NFIA: variants seen among roughly 807,000 people sequenced by gnomAD.
The protein encoded by NFIA is nuclear factor I A.
In NFIA, 8 loss-of-function variants were observed where a neutral mutation model predicts 62.8. The ratio of observed to expected loss-of-function variants is 0.13; its 90% CI spans 0.07 to 0.23. The LOEUF is 0.23. NFIA is among the 10% of genes least tolerant of loss of function. The pLI, the probability that NFIA is intolerant of heterozygous loss-of-function variation, is 1.00. For synonymous variants in NFIA, 235 were observed against 238.1 expected (o/e 0.99, Z 0.12); for missense variants, 410 against 642.1 (o/e 0.64, Z 3.91).
intron 2 of NFIA, among the ~76,000 whole-genome samples, chr1:61,270,556 T>C (rs988532807): frequency 2.0e-5 from 3 of 152,210 alleles, no homozygotes; most frequent in Admixed American, 1.3e-4. Context: ...TCATTTTCAT[T>C]TGAAGCATGT....
At chr1:61,100,792 A>G (rs936299450) in intron 2 of NFIA, among the ~76,000 whole-genome samples, 1 of 152,086 alleles carries the variant, frequency 6.6e-6, no homozygotes, top group African/African-American at 2.4e-5. Context: ...ATAGAGTCTC[A>G]CTACATTGCC....
At chr1:61,113,966 G>T (rs1017752921) in intron 2 of NFIA, among the ~76,000 whole-genome samples, 1 of 152,030 alleles carries the variant, frequency 6.6e-6, no homozygotes, top group Non-Finnish European at 1.5e-5. Context: ...GGTTTTTTTT[G>T]AAAGGATTAA....
chr1:61,204,116 C>CG (rs1282277129), intron 2 of NFIA, among the ~76,000 whole-genome samples: 1 of 152,192 alleles, frequency 6.6e-6, no homozygotes, highest in Non-Finnish European at 1.5e-5. Flanking sequence ...GTGAACTGGA[C>CG]GGGGGCCTTT....
At chr1:61,089,695 CTTTTTT>C (rs918196815) in intron 2 of NFIA, among the ~76,000 whole-genome samples, 126 of 107,774 alleles carry the variant, frequency 1.2e-3, no homozygotes, top group African/African-American at 4.1e-3. Context: ...GTTTTTTTTT[CTTTTTT>C]TTTTTTTTTT....
intron 6 of NFIA, among the ~76,000 whole-genome samples, chr1:61,371,252 T>G (rs900710559): frequency 2.6e-5 from 4 of 152,176 alleles, no homozygotes; most frequent in African/African-American, 9.6e-5. Flanking sequence ...TGCTTAAGAA[T>G]GCTTTTCAGG....
Position 61,108,744 on chromosome 1 carries a change from A to G in NFIA, c.559+20064A>G, listed in dbSNP as rs558859089. Among the ~76,000 whole-genome samples, 10 of 151,852 alleles carry G rather than the reference A, an allele frequency of 6.6e-5. No individual in the cohort carries two copies. In the East Asian group the frequency reaches 1.7e-3, roughly 26 times the overall value. ...CGCTGCTCACATTTTAATCAGAGAA[A>G]GGACAAGACCTGACCTAGTTTTGTT... On this transcript the variant is annotated intron_variant, in intron 2 of 10. Transcript: ENST00000403491.
At chr1:61,413,257 G>A (rs1300986513) in intron 9 of NFIA, among the ~76,000 whole-genome samples, 6 of 151,822 alleles carry the variant, frequency 4.0e-5, no homozygotes, top group African/African-American at 9.7e-5. Flanking sequence ...ATATGAATTC[G>A]TTAGCCAAGA....
intron 2 of NFIA, among the ~76,000 whole-genome samples, chr1:61,227,549 C>T (rs1654411779): frequency 6.6e-6 from 1 of 152,138 alleles, no homozygotes; most frequent in African/African-American, 2.4e-5. Flanking sequence ...TTTGCCTTGG[C>T]TCCCAAGAAA....
intron 3 of NFIA, among the ~76,000 whole-genome samples, chr1:61,287,479 C>T (rs1273948301): frequency 1.3e-5 from 2 of 152,264 alleles, no homozygotes; most frequent in South Asian, 2.1e-4. Flanking sequence ...GTCTCACATA[C>T]ATTCACCATG....
chr1:61,130,921 A>G (rs916031275), intron 2 of NFIA, among the ~76,000 whole-genome samples: 21 of 152,220 alleles, frequency 1.4e-4, no homozygotes, highest in African/African-American at 1.9e-4. Context: ...GACTAGGGCT[A>G]TGACAGATTC....
At chr1:61,077,722 A>G (rs1646048853), upstream of NFIA, 8 of 980,206 alleles carry the variant, frequency 8.2e-6, no homozygotes, top group Non-Finnish European at 1.1e-5. Flanking sequence ...GCTAAGACTA[A>G]AATTTCTCTA....
chr1:61,430,824 C>T (rs771602882), intron 10 of NFIA, among the ~76,000 whole-genome samples: 26 of 152,096 alleles, frequency 1.7e-4, no homozygotes, highest in Admixed American at 1.4e-3. Flanking sequence ...CATTCTTCCA[C>T]CTCACTTGTC....
Position 61,088,760 on chromosome 1 carries a change from T to C in NFIA, c.559+80T>C. On this transcript the variant is annotated intron_variant, in intron 2 of 10. Transcript: ENST00000403491. The surrounding 1 kb of genome is among the most constrained non-coding windows in gnomAD (Gnocchi z 4.5). ...TGGCCTCCGCGTTATGCCGGATTCT[T>C]CCTGAGCTCCCCAAGTTGCAGGCCA... is the stretch of plus-strand genomic sequence containing the variant. The C allele has an allele frequency of 6.7e-7, 1 of 1,485,322 alleles. No homozygotes were observed. The highest frequency in any genetic ancestry group is 1.4e-5 in the African/African-American group (1 of 71,614). The allele number at this position is 1,485,322 out of a possible 1,614,324, so 92.0% of individuals were successfully genotyped here. A position where few individuals can be genotyped will look rare whatever the true frequency, so the allele number is the denominator to read the frequency against.
intron 7 of NFIA, among the ~76,000 whole-genome samples, chr1:61,399,758 A>G (rs1449677612): frequency 6.6e-6 from 1 of 152,172 alleles, no homozygotes; most frequent in Non-Finnish European, 1.5e-5. Flanking sequence ...CCTATTTCAT[A>G]TGGCCCACGC....
rs578023344 is a variant in NFIA, at chr1:61,400,024, C to T, written c.1076-4080C>T. Among the ~76,000 whole-genome samples the T allele has an allele frequency of 5.3e-5, 8 of 152,276 alleles. No individual in the cohort carries two copies. In the East Asian group the frequency reaches 1.2e-3, roughly 22 times the overall value. The stretch of plus-strand genomic sequence containing the variant: ...ATTGTTTGAATTTTTAACTTTTTCT[C>T]CTTTAAACTAAAACCAAGAGAGGAT... On this transcript the variant is annotated intron_variant, in intron 7 of 10. Transcript: ENST00000403491.
chr1:61,273,026 G>C (rs1025466578), intron 2 of NFIA, among the ~76,000 whole-genome samples: 2 of 152,186 alleles, frequency 1.3e-5, no homozygotes, highest in African/African-American at 4.8e-5. Context: ...AGTGGAACCA[G>C]AATTTGTGCT....
intron 8 of NFIA, 43 bp downstream of exon 8, chr1:61,404,325 C>T (rs565533522): frequency 1.4e-5 from 21 of 1,531,216 alleles, no homozygotes; most frequent in Non-Finnish European, 1.7e-5. Context: ...AAATGTTAGC[C>T]GAATATAAAA....
chr1:61,420,972 A>T (rs762149534), intron 9 of NFIA, among the ~76,000 whole-genome samples: 1 of 151,916 alleles, frequency 6.6e-6, no homozygotes, highest in Admixed American at 6.6e-5. Flanking sequence ...CAATTTCTCT[A>T]TCTTCTCCTT....
In NFIA at chr1:61,210,530, TC is replaced by T. The variant is rs1450768468; in HGVS notation, c.560-66988del. On this transcript the variant is annotated intron_variant, in intron 2 of 10. Transcript: ENST00000403491. ...TCGTGGCATCTATCACAGTCCTGAA[TC>T]CTGAAAGACTATTTTCTGTTGAGTT... Among the ~76,000 whole-genome samples, 8 of 152,338 alleles carry T rather than the reference TC, an allele frequency of 5.3e-5. No homozygotes were observed. In the South Asian group the frequency reaches 1.7e-3, roughly 32 times the overall value.
Sources: allele counts gnomAD v4.1 joint callset (sites outside exome capture counted in the v4.1 genomes callset), GRCh38; gene constraint gnomAD v4.1.1; non-coding constraint Gnocchi (gnomAD v3.1); transcripts MANE v1.5; gene names NCBI Gene and HGNC (gene_info 2026-07-23, HGNC 2026-07-21).